SP7: variants seen among roughly 807,000 people sequenced by gnomAD.
The protein encoded by SP7 is transcription factor Sp7.
A neutral mutation model predicts 27.9 loss-of-function variants in SP7; 13 were observed. That is an observed-to-expected ratio of 0.47 (90% CI 0.30 to 0.74). SP7 has a LOEUF of 0.74. Ranked by LOEUF, SP7 falls within the 30% of genes least tolerant of loss-of-function variation. The probability of loss-of-function intolerance (pLI) is 0.06; values close to 1 mark genes in which losing one functional copy is unlikely to be tolerated. For synonymous variants in SP7, 219 were observed against 226.7 expected (o/e 0.97, Z 0.31); for missense variants, 525 against 558.0 (o/e 0.94, Z 0.60).
chr12:53,336,660 C>G (rs538445310), upstream of SP7, among the ~76,000 whole-genome samples: 12 of 152,198 alleles, frequency 7.9e-5, no homozygotes, highest in South Asian at 4.2e-4. Flanking sequence ...CCCCAGCTGA[C>G]CATGGAGAGG....
At chr12:53,338,099 C>T (rs1944787645), upstream of SP7, among the ~76,000 whole-genome samples, 1 of 139,204 alleles carries the variant, frequency 7.2e-6, no homozygotes, top group African/African-American at 2.6e-5. Flanking sequence ...TGAGGCATAG[C>T]CAGGTCCGGA....
chr12:53,329,176 G>C lies in SP7; in HGVS notation c.266C>G (p.Ala89Gly). 3 of 1,613,870 alleles carry C rather than the reference G, an allele frequency of 1.9e-6. No individual in the cohort carries two copies. Among genetic ancestry groups the C allele is most frequent in the Non-Finnish European group, 2.5e-6 (3 of 1,179,876 alleles). Residue 89 changes from alanine (A) to glycine (G), a missense_variant, in exon 3 of 3, where the codon GCT becomes GGT. Transcript: ENST00000536324. ...GSPPAPTSGY[A>G]NDYPPFSHSF... ...GTGGGAAAAGGGAGGGTAATCATTAGCATAGCCTGAGGTGGGTGCTGGAGG... is the reference window on the plus strand; with the variant it reads ...GTGGGAAAAGGGAGGGTAATCATTACCATAGCCTGAGGTGGGTGCTGGAGG...
intron 2 of SP7, among the ~76,000 whole-genome samples, chr12:53,331,450 T>A (rs1343365169): frequency 8.3e-6 from 1 of 120,522 alleles, no homozygotes; most frequent in African/African-American, 3.1e-5. Context: ...CAGCCTAGGC[T>A]ACAGAGCAAG....
rs1350233991 is a variant in SP7, at chr12:53,336,313, C to T, written c.-215G>A. On this transcript the variant is annotated 5_prime_UTR_variant, in exon 1 of 3. Transcript: ENST00000536324. ...CGGTCCTACAGTCCTACTCTGACTC[C>T]AGAGTCCTTGCTGCTGCTCGGCGGC... is the stretch of plus-strand genomic sequence containing the variant. 1.3e-5 allele frequency: 2 copies of T among 156,404 alleles called. No individual in the cohort carries two copies. Among genetic ancestry groups the T allele is most frequent in the Non-Finnish European group, 2.8e-5 (2 of 71,368 alleles). The allele number at this position is 156,404 out of a possible 1,614,324, so 9.7% of individuals were successfully genotyped here. A position where few individuals can be genotyped will look rare whatever the true frequency, so the allele number is the denominator to read the frequency against.
chr12:53,341,850 G>A (rs1944825089), intron 1 of SP7, among the ~76,000 whole-genome samples: 1 of 152,126 alleles, frequency 6.6e-6, no homozygotes, highest in Non-Finnish European at 1.5e-5. Context: ...CACGAGGTCA[G>A]GAGATCGAGA....
intron 2 of SP7, among the ~76,000 whole-genome samples, chr12:53,331,230 G>A (rs1458571858): frequency 6.6e-6 from 1 of 152,230 alleles, no homozygotes; most frequent in Admixed American, 6.5e-5. Flanking sequence ...CCAGCACTTT[G>A]GGAAGCTAAG....
rs533811909 is a variant in SP7 at position 53,328,738 on chromosome 12, C to G, written c.704G>C (p.Gly235Ala). The change falls in exon 3 of 3, where the codon GGA (glycine) becomes GCA (alanine). Residue 235 changes from glycine (G) to alanine (A), a missense_variant. By Grantham distance (60) the Gly-to-Ala change is moderately conservative. Coordinates refer to ENST00000536324, the MANE Select transcript of SP7 (RefSeq NM_001173467.3). The surrounding 1 kb of genome is among the most constrained non-coding windows in gnomAD (Gnocchi z 5.1). The stretch of plus-strand genomic sequence containing the variant: ...ACTCCCTTCTAGCTGCCCACTATTT[C>G]CCACTGCCTTGGGTTTATAGACATC... ...PQDVYKPKAV[G>A]NSGQLEGSGG... The G allele has an allele frequency of 6.2e-7, 1 of 1,606,808 alleles. No individual in the cohort carries two copies. Among genetic ancestry groups the G allele is most frequent in the East Asian group, 2.2e-5 (1 of 44,724 alleles).
chr12:53,336,635 C>G (rs761026116), upstream of SP7, among the ~76,000 whole-genome samples: 2 of 152,058 alleles, frequency 1.3e-5, no homozygotes, highest in Non-Finnish European at 2.9e-5. Flanking sequence ...ACTGGAGGCA[C>G]ACGCACCACA....
At chr12:53,332,910 T>TA (rs1176358445) in intron 2 of SP7, among the ~76,000 whole-genome samples, 2 of 152,006 alleles carry the variant, frequency 1.3e-5, no homozygotes, top group Non-Finnish European at 2.9e-5. Context: ...GGTTTATTTT[T>TA]AAAAACGCCG....
At chr12:53,340,154 C>T (rs1944810552), upstream of SP7, among the ~76,000 whole-genome samples, 1 of 152,104 alleles carries the variant, frequency 6.6e-6, no homozygotes, top group Non-Finnish European at 1.5e-5. Flanking sequence ...TAAAAATGCA[C>T]ACACCAGTAT....
At chr12:53,338,640 G>A (rs1358204842), upstream of SP7, among the ~76,000 whole-genome samples, 1 of 152,204 alleles carries the variant, frequency 6.6e-6, no homozygotes, top group African/African-American at 2.4e-5. Context: ...TACCCGGGAA[G>A]GGGCAGACGT....
intron 2 of SP7, 52 bp from the exon 3 acceptor site, chr12:53,329,472 T>C (rs1944678970): frequency 6.6e-7 from 1 of 1,525,404 alleles, no homozygotes; most frequent in Non-Finnish European, 9.0e-7. Context: ...AGGTACAAAA[T>C]GAAGGGCAAC....
At chr12:53,332,455 G>A (rs1944715913) in intron 2 of SP7, among the ~76,000 whole-genome samples, 1 of 152,150 alleles carries the variant, frequency 6.6e-6, no homozygotes, top group African/African-American at 2.4e-5. Context: ...GTGCATGCCT[G>A]TAGTCCTAGC....
intron 2 of SP7, among the ~76,000 whole-genome samples, chr12:53,335,304 C>A (rs1944754266): frequency 6.6e-6 from 1 of 151,632 alleles, no homozygotes; most frequent in African/African-American, 2.4e-5. Context: ...GCCCCCCTCC[C>A]CCTCCTTTCT....
At chr12:53,343,551 C>G (rs937881647) in intron 1 of SP7, among the ~76,000 whole-genome samples, 2 of 152,162 alleles carry the variant, frequency 1.3e-5, no homozygotes, top group African/African-American at 4.8e-5. Context: ...AATATGGTAA[C>G]CTCCCAGGGT....
upstream of SP7, among the ~76,000 whole-genome samples, chr12:53,339,895 G>C (rs1382625584): frequency 1.3e-5 from 2 of 151,992 alleles, no homozygotes; most frequent in Non-Finnish European, 2.9e-5. Context: ...CTTCATTGTT[G>C]CTGTTATAGA....
upstream of SP7, among the ~76,000 whole-genome samples, chr12:53,336,741 C>T (rs11836700): frequency 0.18 from 26,822 of 151,140 alleles, 2,504 homozygotes; most frequent in South Asian, 0.21. Flanking sequence ...TGTGTGTGTA[C>T]GTGCCCGTGT....
At chr12:53,342,177 C>T (rs1278200867) in intron 1 of SP7, among the ~76,000 whole-genome samples, 1 of 151,396 alleles carries the variant, frequency 6.6e-6, no homozygotes, top group Admixed American at 6.6e-5. Context: ...GTAGGAGAAT[C>T]ACTTGAACCC....
chr12:53,342,633 G>A (rs1944834179), intron 1 of SP7, among the ~76,000 whole-genome samples: 1 of 152,020 alleles, frequency 6.6e-6, no homozygotes, highest in Non-Finnish European at 1.5e-5. Context: ...GGCCAAGATG[G>A]TGAAACCCCA....
Sources: allele counts gnomAD v4.1 joint callset (sites outside exome capture counted in the v4.1 genomes callset), GRCh38; gene constraint gnomAD v4.1.1; non-coding constraint Gnocchi (gnomAD v3.1); transcripts MANE v1.5; gene names NCBI Gene and HGNC (gene_info 2026-07-23, HGNC 2026-07-21).